GIT2: variants seen among roughly 807,000 people sequenced by gnomAD.
GIT2 encodes GIT ArfGAP 2, also known as ARF GTPase-activating protein GIT2.
GIT2 carries 32 observed loss-of-function variants against 100.3 expected under a neutral mutation model. That is an observed-to-expected ratio of 0.32 (90% CI 0.24 to 0.43). GIT2 has a LOEUF of 0.43. Ranked by LOEUF, GIT2 falls within the 20% of genes least tolerant of loss-of-function variation. The pLI is 1.00. For missense variants in GIT2, 737 were observed against 975.1 expected, an observed-to-expected ratio of 0.76 and a Z score of 3.25; for synonymous variants, 353 against 364.1, an observed-to-expected ratio of 0.97 and a Z score of 0.35.
upstream of GIT2, among the ~76,000 whole-genome samples, chr12:110,000,119 G>A (rs1156721576): frequency 6.6e-6 from 1 of 152,218 alleles, no homozygotes; most frequent in Non-Finnish European, 1.5e-5. Context: ...TTTAACTCGG[G>A]CCGGCTGGCT....
intron 1 of GIT2, among the ~76,000 whole-genome samples, chr12:109,994,187 G>A (rs577274202): frequency 6.6e-6 from 1 of 151,034 alleles, no homozygotes; most frequent in South Asian, 2.1e-4. Flanking sequence ...TATTAATTAA[G>A]ACAAGTATTC....
Position 109,996,291 on chromosome 12 carries a change from G to A in GIT2, c.-67C>T. The A allele has an allele frequency of 1.7e-6, 2 of 1,155,816 alleles. No homozygotes were observed. Among genetic ancestry groups the A allele is most frequent in the East Asian group, 2.9e-5 (1 of 34,888 alleles). The allele number at this position is 1,155,816 out of a possible 1,614,324, so 71.6% of individuals were successfully genotyped here. A position where few individuals can be genotyped will look rare whatever the true frequency, so the allele number is the denominator to read the frequency against. On this transcript the variant is annotated 5_prime_UTR_variant, in exon 1 of 20. Transcript: ENST00000355312. Reference sequence around the variant, plus strand: ...CAGCAAAGGCGGCGGTGGCGGCGGCGCTTCCGCTCTAACGGGTCCCAGCTG... The same window carrying A: ...CAGCAAAGGCGGCGGTGGCGGCGGCACTTCCGCTCTAACGGGTCCCAGCTG...
Position 109,930,447 on chromosome 12 carries a change from G to C in GIT2, c.*2531C>G, listed in dbSNP as rs570416588. On this transcript the variant is annotated 3_prime_UTR_variant, in exon 20 of 20. Coordinates refer to ENST00000355312, the MANE Select transcript of GIT2 (RefSeq NM_057169.5). ...CAAGGTACGGAATCCATGTGCAAAA[G>C]GTGGCTGGAACAAATGTTCAGATAA... The C allele has an allele frequency of 4.6e-5, 7 of 152,736 alleles. No homozygotes were observed. The highest frequency in any genetic ancestry group is 1.7e-4 in the African/African-American group (7 of 41,458). The allele number at this position is 152,736 out of a possible 1,614,324, so 9.5% of individuals were successfully genotyped here. A position where few individuals can be genotyped will look rare whatever the true frequency, so the allele number is the denominator to read the frequency against.
rs1038614153 is a variant in GIT2 at position 109,989,770 on chromosome 12, G to A, written c.219C>T (p.Asn73=). The A allele has an allele frequency of 2.5e-6, 4 of 1,601,808 alleles. No individual in the cohort carries two copies. Among genetic ancestry groups the A allele is most frequent in the Admixed American group, 1.7e-5 (1 of 59,958 alleles). Residue 73 remains asparagine, a synonymous_variant, in exon 3 of 20, where the codon AAC becomes AAT. Coordinates refer to ENST00000355312, the MANE Select transcript of GIT2 (RefSeq NM_057169.5). The part of the protein sequence containing the change: ...MVETLYNNGA[N]SIWEHSLLDP... ...CCAGCAAAGAATGCTCCCATATAGA[G>A]TTAGCACCGTTATTATACAAGGTCT...
At chr12:109,961,253 T>C (rs1487880224) in intron 11 of GIT2, 25 bp downstream of exon 11, 4 of 1,305,804 alleles carry the variant, frequency 3.1e-6, no homozygotes, top group Non-Finnish European at 4.4e-6. Flanking sequence ...CCAACTACTA[T>C]TCCTTTCCAA....
chr12:109,993,444 G>C (rs1411836542), intron 1 of GIT2, among the ~76,000 whole-genome samples: 1 of 152,086 alleles, frequency 6.6e-6, no homozygotes, highest in Non-Finnish European at 1.5e-5. Context: ...ACGAATCCTG[G>C]GAGCCAGTGA....
At chr12:109,996,071 C>T in intron 1 of GIT2, 102 bp downstream of exon 1, 3 of 736,692 alleles carry the variant, frequency 4.1e-6, no homozygotes, top group Non-Finnish European at 6.2e-6. Context: ...CTCTTCGTTG[C>T]GACCCTAGCC....
In GIT2 at chr12:109,934,126, T is replaced by C; in HGVS notation, c.2004-41A>G. The C allele has an allele frequency of 1.8e-6, 2 of 1,103,198 alleles. No individual in the cohort carries two copies. Among genetic ancestry groups the C allele is most frequent in the Non-Finnish European group, 1.4e-6 (1 of 713,574 alleles). The allele number at this position is 1,103,198 out of a possible 1,614,324, so 68.3% of individuals were successfully genotyped here. A position where few individuals can be genotyped will look rare whatever the true frequency, so the allele number is the denominator to read the frequency against. ...AGAAGTTATTCAATGACAGTAAAAA[T>C]GATTCGGAGGCAAAGAGGACTCAAG... On this transcript the variant is annotated intron_variant, in intron 18 of 19. Coordinates refer to ENST00000355312, the MANE Select transcript of GIT2 (RefSeq NM_057169.5). The surrounding 1 kb of genome is among the most constrained non-coding windows in gnomAD (Gnocchi z 4.5).
rs558514228 is a variant in GIT2, at chr12:109,932,339, C to A, written c.*639G>T. ...AGCCTTCAAGATGACAAGAAAACAT[C>A]AAGAGATAGGAGCTTGAGATAACAA... On this transcript the variant is annotated 3_prime_UTR_variant, in exon 20 of 20. Coordinates refer to ENST00000355312, the MANE Select transcript of GIT2 (RefSeq NM_057169.5). The A allele has an allele frequency of 6.6e-6, 1 of 152,434 alleles. No individual in the cohort carries two copies. The highest frequency in any genetic ancestry group is 1.9e-4 in the East Asian group (1 of 5,192). The allele number at this position is 152,434 out of a possible 1,614,324, so 9.4% of individuals were successfully genotyped here. A position where few individuals can be genotyped will look rare whatever the true frequency, so the allele number is the denominator to read the frequency against.
upstream of GIT2, chr12:109,999,506 G>T (rs1205265257): frequency 6.3e-6 from 2 of 317,494 alleles, no homozygotes; most frequent in Non-Finnish European, 1.1e-5. This position sits in a 1 kb window ranked among gnomAD's most constrained non-coding sequence, Gnocchi z 4.3. Flanking sequence ...CCTGGTCCCT[G>T]AGCCGGCCGG....
rs548554534 is a variant in GIT2, at chr12:109,935,487, C to T, written c.2004-1402G>A. ...TGCAACCTCCGCCTCCTGGCTTCTC[C>T]GCCTCCCGGCTTCAAGCAATTCTCC... On this transcript the variant is annotated intron_variant, in intron 18 of 19. Coordinates refer to ENST00000355312, the MANE Select transcript of GIT2 (RefSeq NM_057169.5). 7.9e-5 allele frequency among the ~76,000 whole-genome samples: 12 copies of T among 152,198 alleles called. No individual in the cohort carries two copies. In the South Asian group the frequency reaches 1.0e-3, roughly 13 times the overall value.
chr12:109,987,857 C>T (rs1187188613), intron 4 of GIT2, among the ~76,000 whole-genome samples: 3 of 152,198 alleles, frequency 2.0e-5, no homozygotes, highest in African/African-American at 7.2e-5. Flanking sequence ...AAAATATGCA[C>T]ATTTCTTACA....
At position 109,933,760 on chromosome 12, in the gene GIT2, CCTGA is replaced by C. The variant is rs1164447609; in HGVS notation, c.2067+258_2067+261del. On this transcript the variant is annotated intron_variant, in intron 19 of 19. Transcript: ENST00000355312. This position sits in a 1 kb window ranked among gnomAD's most constrained non-coding sequence, Gnocchi z 4.5. ...GGGATTACAGGCATGCACCACCACGCCTGACTAATTTTGTATTTTTAGTAGAGAC... is the reference window on the plus strand; with the variant it reads ...GGGATTACAGGCATGCACCACCACGCCTAATTTTGTATTTTTAGTAGAGAC... 2.6e-6 allele frequency: 1 copy of C among 384,256 alleles called. No homozygotes were observed. Among genetic ancestry groups the C allele is most frequent in the East Asian group, 5.7e-5 (1 of 17,502 alleles). 23.8% of individuals were successfully genotyped at this position (384,256 alleles called of 1,614,324 possible).
At chr12:109,984,937 TAA>T (rs1267353223) in intron 4 of GIT2, among the ~76,000 whole-genome samples, 2 of 152,168 alleles carry the variant, frequency 1.3e-5, no homozygotes, top group African/African-American at 4.8e-5. Flanking sequence ...TTGGCCTGTA[TAA>T]TATGCTTTAA....
chr12:109,949,710 A>C (rs533464411), intron 14 of GIT2, among the ~76,000 whole-genome samples: 21 of 152,384 alleles, frequency 1.4e-4, no homozygotes, highest in African/African-American at 5.0e-4. Flanking sequence ...ATTTGCTTTC[A>C]GAGATAATGA....
intron 7 of GIT2, among the ~76,000 whole-genome samples, chr12:109,974,947 C>T (rs1279556101): frequency 6.6e-6 from 1 of 152,142 alleles, no homozygotes; most frequent in Non-Finnish European, 1.5e-5. Context: ...AGGTCTGTTG[C>T]TGGATGTGTA....
intron 7 of GIT2, among the ~76,000 whole-genome samples, chr12:109,979,439 A>G (rs1427051240): frequency 6.6e-6 from 1 of 151,606 alleles, no homozygotes; most frequent in African/African-American, 2.4e-5. Flanking sequence ...TGCCCAGCTA[A>G]TTTTTTTGTA....
At chr12:109,935,907 T>C (rs933091703) in intron 18 of GIT2, among the ~76,000 whole-genome samples, 1 of 152,212 alleles carries the variant, frequency 6.6e-6, no homozygotes, top group Non-Finnish European at 1.5e-5. Flanking sequence ...GGAGTCCATA[T>C]TCACAACTTC....
intron 16 of GIT2, among the ~76,000 whole-genome samples, chr12:109,944,113 A>G (rs1189128793): frequency 6.6e-6 from 1 of 152,204 alleles, no homozygotes; most frequent in Admixed American, 6.5e-5. Flanking sequence ...TTGAGGCTGC[A>G]GTACGCTATG....
Sources: gnomAD v4.1 joint callset for allele counts (sites outside exome capture counted in the v4.1 genomes callset) on GRCh38, gnomAD v4.1.1 for gene constraint, Gnocchi (gnomAD v3.1) non-coding constraint, MANE v1.5 for transcripts, NCBI Gene and HGNC (gene_info 2026-07-23, HGNC 2026-07-21) for gene names.